MPRIP: variants seen among roughly 807,000 people sequenced by gnomAD.
The protein encoded by MPRIP is myosin phosphatase Rho interacting protein.
A neutral mutation model predicts 234.9 loss-of-function variants in MPRIP; 59 were observed. The observed-to-expected ratio is 0.25, with a 90% CI of 0.20 to 0.31. MPRIP has a LOEUF of 0.31. MPRIP is among the 10% of genes least tolerant of loss of function. The probability of loss-of-function intolerance (pLI) is 1.00; values close to 1 mark genes in which losing one functional copy is unlikely to be tolerated. For synonymous variants in MPRIP, 1,144 were observed against 1,263.9 expected, an observed-to-expected ratio of 0.91 and a Z score of 2.01; for missense variants, 2,436 against 3,071.0, an observed-to-expected ratio of 0.79 and a Z score of 4.89.
intron 17 of MPRIP, 36 bp downstream of exon 17, chr17:17,171,901 TG>T (rs1597506354): frequency 1.8e-5 from 28 of 1,585,274 alleles, no homozygotes; most frequent in Non-Finnish European, 2.3e-5. Context: ...GCAGGGTGGG[TG>T]GCCAGCTTTT....
intron 3 of MPRIP, among the ~76,000 whole-genome samples, chr17:17,090,300 C>T (rs2089685123): frequency 6.6e-6 from 1 of 152,202 alleles, no homozygotes; most frequent in Admixed American, 6.5e-5. Flanking sequence ...CCCGCAGGGG[C>T]AGAAGGGTCT....
rs2046610846 is a variant in MPRIP at position 17,192,434 on chromosome 17, G to GGA, written c.*7541_*7542insAG. On this transcript the variant is annotated 3_prime_UTR_variant, in exon 24 of 24. Coordinates refer to ENST00000651222, the MANE Select transcript of MPRIP (RefSeq NM_001364716.4). ...GAGCTGCTGCTTTTTTTTTGGGGGG[G>GGA]GGGGGGGGAGGGGCGTCTTGAGGCT... 1 of 113,860 alleles carries GGA rather than the reference G, an allele frequency of 8.8e-6. No individual in the cohort carries two copies. The allele number at this position is 113,860 out of a possible 1,614,324, so 7.1% of individuals were successfully genotyped here. A position where few individuals can be genotyped will look rare whatever the true frequency, so the allele number is the denominator to read the frequency against.
intron 5 of MPRIP, among the ~76,000 whole-genome samples, chr17:17,132,600 C>CA (rs2090619473): frequency 6.6e-6 from 1 of 152,190 alleles, no homozygotes; most frequent in East Asian, 1.9e-4. Flanking sequence ...GGTCAGGGAG[C>CA]ATGCACTGGT....
At chr17:17,088,099 C>T (rs926638811) in intron 3 of MPRIP, among the ~76,000 whole-genome samples, 4 of 152,234 alleles carry the variant, frequency 2.6e-5, no homozygotes, top group African/African-American at 9.6e-5. Flanking sequence ...AGGGGTTCCA[C>T]CTGGTTATCC....
intron 13 of MPRIP, among the ~76,000 whole-genome samples, chr17:17,157,090 G>C (rs573478834): frequency 6.6e-6 from 1 of 152,160 alleles, no homozygotes; most frequent in Non-Finnish European, 1.5e-5. Context: ...AGTCAGCCTC[G>C]GACCAGCTGG....
Position 17,078,901 on chromosome 17 carries a change from A to G in MPRIP, c.267+825A>G, listed in dbSNP as rs958229088. Among the ~76,000 whole-genome samples the G allele has an allele frequency of 9.9e-5, 15 of 152,222 alleles. No homozygotes were observed. Among genetic ancestry groups the G allele is most frequent in the African/African-American group, 3.4e-4 (14 of 41,444 alleles). ...TGAATGTTTGTGTGCCCATATGTGC[A>G]GCATTTTAAAATTGGGACTGTCCTG... On this transcript the variant is annotated intron_variant, in intron 3 of 23. Coordinates refer to ENST00000651222, the MANE Select transcript of MPRIP (RefSeq NM_001364716.4). The surrounding 1 kb of genome is among the most constrained non-coding windows in gnomAD (Gnocchi z 4.3).
intron 1 of MPRIP, among the ~76,000 whole-genome samples, chr17:17,049,431 C>T (rs2088460276): frequency 6.6e-6 from 1 of 152,200 alleles, no homozygotes; most frequent in Non-Finnish European, 1.5e-5. Context: ...GTACAAGAAT[C>T]GCTCTCTCAC....
intron 13 of MPRIP, among the ~76,000 whole-genome samples, chr17:17,157,197 C>T (rs1470162908): frequency 3.3e-5 from 5 of 152,234 alleles, no homozygotes; most frequent in African/African-American, 1.2e-4. Flanking sequence ...CTGTCCCTGC[C>T]CTACTGCAGA....
chr17:17,060,290 A>G (rs117019950), intron 1 of MPRIP, among the ~76,000 whole-genome samples: 2,846 of 152,326 alleles, frequency 0.019, 45 homozygotes, highest in Non-Finnish European at 0.031. Flanking sequence ...CCCCAGCTGC[A>G]TGGATGTGGG....
At chr17:17,184,449 G>A (rs137886108) in intron 23 of MPRIP, among the ~76,000 whole-genome samples, 1 of 152,196 alleles carries the variant, frequency 6.6e-6, no homozygotes, top group African/African-American at 2.4e-5. Flanking sequence ...AGCTGGATGT[G>A]GACAAATCCA....
At chr17:17,144,831 G>A (rs2045421907) in intron 9 of MPRIP, among the ~76,000 whole-genome samples, 1 of 152,176 alleles carries the variant, frequency 6.6e-6, no homozygotes, top group African/African-American at 2.4e-5. Context: ...ACTCCGGCCT[G>A]GCGACAGAGC....
intron 1 of MPRIP, among the ~76,000 whole-genome samples, chr17:17,051,379 A>G (rs2088535288): frequency 6.6e-6 from 1 of 152,118 alleles, no homozygotes; most frequent in South Asian, 2.1e-4. Context: ...ACCTAAGAAA[A>G]CGGGCTCTTC....
At chr17:17,120,597 G>A (rs1358471070) in intron 3 of MPRIP, among the ~76,000 whole-genome samples, 1 of 152,180 alleles carries the variant, frequency 6.6e-6, no homozygotes, top group East Asian at 1.9e-4. Flanking sequence ...GCCCAGAAGA[G>A]GACCAGAGGC....
chr17:17,048,391 G>C (rs6502556), intron 1 of MPRIP, among the ~76,000 whole-genome samples: 6,800 of 152,220 alleles, frequency 0.045, 469 homozygotes, highest in African/African-American at 0.14. Context: ...CTTTGTTCCT[G>C]TAGACATTCG....
intron 3 of MPRIP, among the ~76,000 whole-genome samples, chr17:17,124,429 C>T (rs1369294497): frequency 6.6e-6 from 1 of 152,160 alleles, no homozygotes; most frequent in Non-Finnish European, 1.5e-5. Context: ...CATGCACACT[C>T]ATAATAGACT....
intron 5 of MPRIP, among the ~76,000 whole-genome samples, chr17:17,133,810 A>C (rs989932713): frequency 6.6e-6 from 1 of 152,200 alleles, no homozygotes; most frequent in Non-Finnish European, 1.5e-5. Context: ...CCCTGACAAG[A>C]GTTTCCAAAG....
chr17:17,114,277 G>A (rs2144309397), intron 3 of MPRIP, among the ~76,000 whole-genome samples: 1 of 151,986 alleles, frequency 6.6e-6, no homozygotes, highest in East Asian at 1.9e-4. Context: ...ATTGTTTTTT[G>A]TTGTTGAGTT....
At chr17:17,044,137 C>T (rs1312963195) in intron 1 of MPRIP, among the ~76,000 whole-genome samples, 1 of 152,282 alleles carries the variant, frequency 6.6e-6, no homozygotes, top group South Asian at 2.1e-4. Flanking sequence ...TTTCCAACTG[C>T]CAGGAAAAGA....
chr17:17,054,857 C>T (rs1401790174), intron 1 of MPRIP, among the ~76,000 whole-genome samples: 1 of 151,882 alleles, frequency 6.6e-6, no homozygotes, highest in African/African-American at 2.4e-5. Flanking sequence ...CGAGATCAGC[C>T]TGGGCAAGAC....
Sources: allele counts gnomAD v4.1 joint callset (sites outside exome capture counted in the v4.1 genomes callset), GRCh38; gene constraint gnomAD v4.1.1; non-coding constraint Gnocchi (gnomAD v3.1); transcripts MANE v1.5; gene names NCBI Gene and HGNC (gene_info 2026-07-23, HGNC 2026-07-21).